The following ADAMTSL1 variants were observed in gnomAD, a reference collection of about 807,000 sequenced individuals.
ADAMTSL1 encodes ADAMTS like 1.
ADAMTSL1 carries 126 observed loss-of-function variants against 201.8 expected under a neutral mutation model. That is an observed-to-expected ratio of 0.62 (90% CI 0.54 to 0.72). The LOEUF is 0.72. ADAMTSL1 is among the 30% of genes least tolerant of loss of function. The pLI is 0.00. For synonymous variants in ADAMTSL1, 1,121 were observed against 903.4 expected, an observed-to-expected ratio of 1.24 and a Z score of -4.32; for missense variants, 2,679 against 2,277.8, an observed-to-expected ratio of 1.18 and a Z score of -3.59.
intron 23 of ADAMTSL1, among the ~76,000 whole-genome samples, chr9:18,850,520 G>A (rs139407438): frequency 1.7e-3 from 259 of 152,308 alleles, no homozygotes; most frequent in Middle Eastern, 6.8e-3. Flanking sequence ...GAAGGGAGAG[G>A]CAGACCCTAC....
At chr9:18,494,969 A>G (rs918696565) in intron 1 of ADAMTSL1, among the ~76,000 whole-genome samples, 2 of 152,184 alleles carry the variant, frequency 1.3e-5, no homozygotes, top group Admixed American at 1.3e-4. Flanking sequence ...GTGGGAAGAG[A>G]GGCTGGAGGT....
At chr9:18,065,591 A>G (rs76184737) in intron 1 of ADAMTSL1, among the ~76,000 whole-genome samples, 2,179 of 152,304 alleles carry the variant, frequency 0.014, 58 homozygotes, top group African/African-American at 0.05. Context: ...CACAGGGGTA[A>G]TAAAATGACG....
chr9:18,737,319 CA>C (rs59511409), intron 15 of ADAMTSL1, among the ~76,000 whole-genome samples: 711 of 53,628 alleles, frequency 0.013, 2 homozygotes, highest in Non-Finnish European at 0.017. Context: ...AACTCTGTCT[CA>C]AAAAAAAAAA....
intron 4 of ADAMTSL1, among the ~76,000 whole-genome samples, chr9:18,592,685 G>C (rs1025862017): frequency 6.6e-5 from 10 of 152,130 alleles, no homozygotes; most frequent in Non-Finnish European, 2.9e-5. Flanking sequence ...TTTTGCTCAG[G>C]ATAGCTTTGG....
chr9:18,674,454 G>T lies in ADAMTSL1; in HGVS notation c.1086-1403G>T, dbSNP rs1393524166. Reference sequence around the variant, plus strand: ...CAGTAATTTCTTCAGAAACTATGCAGGCCCCTTTATCCCTCTCTCTCTCCT... The same window carrying T: ...CAGTAATTTCTTCAGAAACTATGCATGCCCCTTTATCCCTCTCTCTCTCCT... On this transcript the variant is annotated intron_variant, in intron 9 of 28. Transcript: ENST00000380548. Among the ~76,000 whole-genome samples the T allele has an allele frequency of 5.9e-5, 9 of 151,660 alleles. No individual in the cohort carries two copies. The East Asian group carries it at 1.7e-3, about 29-fold the overall frequency.
At chr9:18,341,216 T>C (rs889458374) in intron 2 of ADAMTSL1, among the ~76,000 whole-genome samples, 1 of 152,134 alleles carries the variant, frequency 6.6e-6, no homozygotes, top group African/African-American at 2.4e-5. Context: ...TGGTCTCTGC[T>C]CATCTTCTCA....
intron 2 of ADAMTSL1, among the ~76,000 whole-genome samples, chr9:18,254,464 G>A (rs977211434): frequency 1.5e-5 from 2 of 135,500 alleles, no homozygotes; most frequent in East Asian, 2.4e-4. Flanking sequence ...CCGGGTTCAC[G>A]CCGTTCTCCT....
At chr9:18,647,404 T>G (rs1014635165) in intron 7 of ADAMTSL1, among the ~76,000 whole-genome samples, 3 of 151,952 alleles carry the variant, frequency 2.0e-5, no homozygotes, top group African/African-American at 7.2e-5. Context: ...TGCTCTGATT[T>G]TAGTTATTTC....
At chr9:17,934,229 G>T (rs368492287) in intron 1 of ADAMTSL1, among the ~76,000 whole-genome samples, 1 of 152,072 alleles carries the variant, frequency 6.6e-6, no homozygotes, top group East Asian at 1.9e-4. Context: ...CAACAATAAG[G>T]TAATTCCCCC....
chr9:18,419,283 A>G (rs1428072121), intron 2 of ADAMTSL1, among the ~76,000 whole-genome samples: 1 of 152,198 alleles, frequency 6.6e-6, no homozygotes, highest in East Asian at 1.9e-4. Flanking sequence ...GTGACCTAGG[A>G]TTAGGCAAAG....
chr9:18,909,661 T>A lies in ADAMTSL1; in HGVS notation c.*1113T>A, dbSNP rs896438112. ...TAACTAGTCACTGTGCCAGAGAGTA[T>A]CTGTCAGGCTGTCAGGTTGTAGCAA... On this transcript the variant is annotated 3_prime_UTR_variant, in exon 29 of 29. Transcript: ENST00000380548. 6.6e-6 allele frequency: 1 copy of A among 151,102 alleles called. No homozygotes were observed. Among genetic ancestry groups the A allele is most frequent in the Non-Finnish European group, 1.5e-5 (1 of 67,750 alleles). The allele number at this position is 151,102 out of a possible 1,614,324, so 9.4% of individuals were successfully genotyped here.
At chr9:17,986,897 T>G (rs1818950752) in intron 1 of ADAMTSL1, among the ~76,000 whole-genome samples, 1 of 152,098 alleles carries the variant, frequency 6.6e-6, no homozygotes, top group Admixed American at 6.6e-5. Flanking sequence ...AATAAAAAAG[T>G]GCTAAAATGT....
At chr9:18,761,519 G>T (rs983669857) in intron 16 of ADAMTSL1, among the ~76,000 whole-genome samples, 84 of 152,050 alleles carry the variant, frequency 5.5e-4, no homozygotes, top group African/African-American at 2.0e-3. Flanking sequence ...TAAAAATAAT[G>T]CCCCTTACTG....
At chr9:18,317,119 A>T (rs1178728929) in intron 2 of ADAMTSL1, among the ~76,000 whole-genome samples, 1 of 152,188 alleles carries the variant, frequency 6.6e-6, no homozygotes, top group East Asian at 1.9e-4. Context: ...AGTGAAATAA[A>T]CTAAATATAG....
At chr9:18,377,303 A>G (rs978605500) in intron 2 of ADAMTSL1, among the ~76,000 whole-genome samples, 2 of 152,244 alleles carry the variant, frequency 1.3e-5, no homozygotes, top group Admixed American at 6.5e-5. Flanking sequence ...GTAAGTGCAT[A>G]GAATAGTGTC....
At position 18,892,610 on chromosome 9, in the gene ADAMTSL1, G is replaced by T; in HGVS notation, c.4851+14G>T. ...AGCTGGGGCCAGGTGAGGAGCCAGAGAGGTTGTTATTTGAAAGCTAAATCT... is the reference window on the plus strand; with the variant it reads ...AGCTGGGGCCAGGTGAGGAGCCAGATAGGTTGTTATTTGAAAGCTAAATCT... On this transcript the variant is annotated intron_variant, in intron 26 of 28. Coordinates refer to ENST00000380548, the MANE Select transcript of ADAMTSL1 (RefSeq NM_001040272.6). The T allele has an allele frequency of 6.4e-7, 1 of 1,551,522 alleles. No homozygotes were observed. Among genetic ancestry groups the T allele is most frequent in the Non-Finnish European group, 8.7e-7 (1 of 1,147,256 alleles).
intron 19 of ADAMTSL1, among the ~76,000 whole-genome samples, chr9:18,779,184 G>A (rs1386692000): frequency 1.3e-5 from 2 of 152,194 alleles, no homozygotes; most frequent in African/African-American, 2.4e-5. Flanking sequence ...AGTAAGAGCT[G>A]AAACAAGCAT....
In ADAMTSL1 at chr9:18,194,499, G is replaced by A. The variant is rs542127277; in HGVS notation, c.207+30518G>A. On this transcript the variant is annotated intron_variant, in intron 2 of 29. Coordinates refer to the ADAMTSL1 transcript ENST00000680146. ...GTTGTGCCAGTAACAATGTTAACCCGTCTTGCTTTCCCATTCCAGCTTGAT... is the reference window on the plus strand; with the variant it reads ...GTTGTGCCAGTAACAATGTTAACCCATCTTGCTTTCCCATTCCAGCTTGAT... Among the ~76,000 whole-genome samples, 581 of 152,128 alleles carry A rather than the reference G, an allele frequency of 3.8e-3. 4 individuals carry two copies. Among genetic ancestry groups the A allele is most frequent in the Middle Eastern group, 0.014 (4 of 294 alleles).
chr9:18,186,398 A>T (rs1289113036), intron 2 of ADAMTSL1, among the ~76,000 whole-genome samples: 1 of 152,092 alleles, frequency 6.6e-6, no homozygotes, highest in African/African-American at 2.4e-5. Context: ...TTGAAGTAGG[A>T]TGATATCATG....
Sources: gnomAD v4.1 joint callset for allele counts (sites outside exome capture counted in the v4.1 genomes callset) on GRCh38, gnomAD v4.1.1 for gene constraint, MANE v1.5 for transcripts, NCBI Gene and HGNC (gene_info 2026-07-23, HGNC 2026-07-21) for gene names.